Variants in GRID1 observed in about 807,000 individuals in gnomAD.
GRID1 encodes glutamate receptor ionotropic, delta-1.
In GRID1, 28 loss-of-function variants were observed where a neutral mutation model predicts 98.0. The ratio of observed to expected loss-of-function variants is 0.29; its 90% CI spans 0.21 to 0.39. The LOEUF is 0.39. Ranked by LOEUF, GRID1 falls within the 10% of genes least tolerant of loss-of-function variation. The pLI is 1.00. For synonymous variants in GRID1, 553 were observed against 538.5 expected (o/e 1.03, Z -0.37); for missense variants, 1,111 against 1,340.5 (o/e 0.83, Z 2.67).
intron 2 of GRID1, among the ~76,000 whole-genome samples, chr10:86,220,019 G>A (rs546083531): frequency 6.6e-5 from 10 of 152,338 alleles, no homozygotes; most frequent in Admixed American, 6.5e-4. Flanking sequence ...TAAAATGGGG[G>A]AAGGGCAGAG....
At chr10:85,976,604 G>T (rs191320082) in intron 4 of GRID1, among the ~76,000 whole-genome samples, 32 of 152,328 alleles carry the variant, frequency 2.1e-4, no homozygotes, top group African/African-American at 7.5e-4. Context: ...TTGCCCCCGT[G>T]GCATCCACCT....
At chr10:85,603,783 C>A (rs1184671747) in intron 15 of GRID1, among the ~76,000 whole-genome samples, 1 of 152,148 alleles carries the variant, frequency 6.6e-6, no homozygotes, top group Non-Finnish European at 1.5e-5. Flanking sequence ...TCCCTCACCT[C>A]AAACTCCTAG....
intron 2 of GRID1, among the ~76,000 whole-genome samples, chr10:86,347,544 C>A (rs149953210): frequency 2.0e-5 from 3 of 152,184 alleles, no homozygotes; most frequent in African/African-American, 7.2e-5. Flanking sequence ...CTTCCAGGGG[C>A]AAGTGGCCAG....
chr10:85,715,887 G>A (rs1264965896), intron 12 of GRID1, among the ~76,000 whole-genome samples: 3 of 150,202 alleles, frequency 2.0e-5, no homozygotes, highest in Non-Finnish European at 4.4e-5. Flanking sequence ...ATTAGAAATT[G>A]GCAAGATATA....
chr10:85,652,516 C>G (rs1035581570), intron 12 of GRID1, among the ~76,000 whole-genome samples: 1 of 152,166 alleles, frequency 6.6e-6, no homozygotes, highest in East Asian at 1.9e-4. Flanking sequence ...GCTCAAAAGA[C>G]ACGGGAGGGT....
At chr10:85,990,286 A>G (rs1842664320) in intron 4 of GRID1, among the ~76,000 whole-genome samples, 1 of 152,188 alleles carries the variant, frequency 6.6e-6, no homozygotes, top group Non-Finnish European at 1.5e-5. Flanking sequence ...ATAGCCCTTC[A>G]CGTGACACCA....
intron 2 of GRID1, among the ~76,000 whole-genome samples, chr10:86,335,775 G>C (rs904443350): frequency 3.3e-5 from 5 of 152,332 alleles, no homozygotes; most frequent in African/African-American, 1.2e-4. Flanking sequence ...CCATGGAGGG[G>C]AGAGCTGGGA....
intron 4 of GRID1, among the ~76,000 whole-genome samples, chr10:86,031,918 T>C (rs1004784374): frequency 2.0e-5 from 3 of 152,208 alleles, no homozygotes; most frequent in Non-Finnish European, 4.4e-5. Context: ...GTTCTTCCCC[T>C]ACGTCCCATT....
chr10:86,187,017 C>A (rs1365253024), intron 3 of GRID1, among the ~76,000 whole-genome samples: 1 of 152,178 alleles, frequency 6.6e-6, no homozygotes, highest in African/African-American at 2.4e-5. Flanking sequence ...TGGTGGACAT[C>A]CCAGAGAAGA....
chr10:86,355,983 G>C (rs1848529018), intron 2 of GRID1, among the ~76,000 whole-genome samples: 1 of 152,256 alleles, frequency 6.6e-6, no homozygotes, highest in South Asian at 2.1e-4. Context: ...TACGGGGACA[G>C]GGGGAGGTCA....
At position 85,883,510 on chromosome 10, in the gene GRID1, GTC is replaced by G. The variant is rs72270077; in HGVS notation, c.781-14332_781-14331del. Among the ~76,000 whole-genome samples, 676 of 136,412 alleles carry G rather than the reference GTC, an allele frequency of 5.0e-3. 7 individuals carry two copies. Among genetic ancestry groups the G allele is most frequent in the African/African-American group, 0.015 (546 of 36,952 alleles). 89.5% of individuals were successfully genotyped at this position (136,412 alleles called of 152,430 possible). On this transcript the variant is annotated intron_variant, in intron 5 of 15. Coordinates refer to ENST00000327946, the MANE Select transcript of GRID1 (RefSeq NM_017551.3). Reference sequence around the variant, plus strand: ...TCTCTCTGTCTCTCTCTCTCTCTCTGTCTCTCTCTCTCTCTCTCTGTCTCTCT... The same window carrying G: ...TCTCTCTGTCTCTCTCTCTCTCTCTGTCTCTCTCTCTCTCTCTGTCTCTCT...
At chr10:86,208,359 A>C (rs1005988362) in intron 2 of GRID1, among the ~76,000 whole-genome samples, 10 of 152,008 alleles carry the variant, frequency 6.6e-5, no homozygotes, top group Non-Finnish European at 1.2e-4. Context: ...CCCCAGCTCC[A>C]GTCTGCTGAG....
At chr10:86,143,051 C>T (rs931483400) in intron 3 of GRID1, among the ~76,000 whole-genome samples, 78 of 152,318 alleles carry the variant, frequency 5.1e-4, no homozygotes, top group Non-Finnish European at 1.0e-3. Flanking sequence ...TGAGGGTTTA[C>T]GATCCATCAG....
chr10:86,235,062 C>T (rs1846516282), intron 2 of GRID1, among the ~76,000 whole-genome samples: 1 of 152,216 alleles, frequency 6.6e-6, no homozygotes, highest in African/African-American at 2.4e-5. Context: ...CAGTTCAGCC[C>T]TCTCGGCCTC....
intron 3 of GRID1, among the ~76,000 whole-genome samples, chr10:86,177,538 T>C (rs1267386622): frequency 1.3e-5 from 2 of 152,078 alleles, no homozygotes; most frequent in South Asian, 2.1e-4. Context: ...TGTGTGTGCA[T>C]GCATGAGAAA....
At chr10:86,067,261 C>T (rs1448864235) in intron 4 of GRID1, among the ~76,000 whole-genome samples, 1 of 152,202 alleles carries the variant, frequency 6.6e-6, no homozygotes, top group Non-Finnish European at 1.5e-5. Flanking sequence ...GCTCTGCATG[C>T]ACGCTGGAGG....
intron 2 of GRID1, among the ~76,000 whole-genome samples, chr10:86,242,515 G>C (rs11201952): frequency 0.022 from 3,402 of 152,320 alleles, 52 homozygotes; most frequent in Middle Eastern, 0.068. Context: ...GGCATTCACA[G>C]GCCCTGGCTC....
chr10:85,867,412 T>A (rs935056142), intron 6 of GRID1, among the ~76,000 whole-genome samples: 2 of 151,850 alleles, frequency 1.3e-5, no homozygotes, highest in South Asian at 4.2e-4. Flanking sequence ...CTGCAGGGAG[T>A]GAGACCCTCA....
intron 3 of GRID1, among the ~76,000 whole-genome samples, chr10:86,201,895 C>T (rs879513942): frequency 1.2e-4 from 18 of 152,106 alleles, no homozygotes; most frequent in Non-Finnish European, 2.4e-4. Context: ...TGTTTAAGTC[C>T]CTCTGTAGGG....
Sources: allele counts gnomAD v4.1 joint callset (sites outside exome capture counted in the v4.1 genomes callset), GRCh38; gene constraint gnomAD v4.1.1; transcripts MANE v1.5; gene names NCBI Gene and HGNC (gene_info 2026-07-23, HGNC 2026-07-21).